CDH12: variants seen among roughly 807,000 people sequenced by gnomAD.
The protein encoded by CDH12 is cadherin-12.
A neutral mutation model predicts 74.1 loss-of-function variants in CDH12; 41 were observed. That is an observed-to-expected ratio of 0.55 (90% CI 0.43 to 0.72). The LOEUF (loss-of-function observed/expected upper bound fraction) is 0.72. Ranked by LOEUF, CDH12 falls within the 30% of genes least tolerant of loss-of-function variation. The probability of loss-of-function intolerance (pLI) is 0.00; values close to 1 mark genes in which losing one functional copy is unlikely to be tolerated. For synonymous variants in CDH12, 399 were observed against 355.0 expected, an observed-to-expected ratio of 1.12 and a Z score of -1.39; for missense variants, 945 against 977.2, an observed-to-expected ratio of 0.97 and a Z score of 0.44.
At chr5:21,895,126 C>T (rs111311840) in intron 6 of CDH12, among the ~76,000 whole-genome samples, 1 of 151,760 alleles carries the variant, frequency 6.6e-6, no homozygotes, top group Admixed American at 6.6e-5. Flanking sequence ...TATAAAGGGA[C>T]AGTAGTAGCC....
chr5:22,705,528 CAA>C (rs1491281189), intron 1 of CDH12, among the ~76,000 whole-genome samples: 1 of 151,242 alleles, frequency 6.6e-6, no homozygotes, highest in Non-Finnish European at 1.5e-5. Context: ...CACACACACA[CAA>C]ACACACACCA....
intron 1 of CDH12, among the ~76,000 whole-genome samples, chr5:22,829,357 A>G (rs906526430): frequency 4.6e-5 from 7 of 152,190 alleles, no homozygotes; most frequent in Admixed American, 4.6e-4. Flanking sequence ...AAATATTTCT[A>G]TCACCCTCAA....
At chr5:22,020,747 C>T (rs909341678) in intron 5 of CDH12, among the ~76,000 whole-genome samples, 1 of 152,026 alleles carries the variant, frequency 6.6e-6, no homozygotes, top group African/African-American at 2.4e-5. Context: ...ATTGAGTTAT[C>T]CCCCCTCTCA....
intron 6 of CDH12, among the ~76,000 whole-genome samples, chr5:21,888,612 C>A (rs909971549): frequency 1.3e-5 from 2 of 151,844 alleles, no homozygotes; most frequent in Non-Finnish European, 2.9e-5. Flanking sequence ...AAAGAAGTAA[C>A]ATATCTTCAT....
At chr5:22,484,815 C>A (rs1746522807) in intron 2 of CDH12, among the ~76,000 whole-genome samples, 1 of 152,146 alleles carries the variant, frequency 6.6e-6, no homozygotes, top group African/African-American at 2.4e-5. Context: ...ATTACACATA[C>A]ATATTTCTCC....
intron 5 of CDH12, among the ~76,000 whole-genome samples, chr5:22,032,461 C>G (rs1213560355): frequency 6.6e-6 from 1 of 151,758 alleles, no homozygotes; most frequent in Non-Finnish European, 1.5e-5. Context: ...CCTATAATCC[C>G]AGAACTTTGG....
intron 3 of CDH12, among the ~76,000 whole-genome samples, chr5:22,356,993 A>T (rs928772458): frequency 2.6e-5 from 4 of 152,132 alleles, no homozygotes; most frequent in Non-Finnish European, 5.9e-5. Context: ...ACATTTTCTA[A>T]ATATTTATTT....
intron 9 of CDH12, among the ~76,000 whole-genome samples, chr5:21,805,727 T>C (rs1172695506): frequency 1.3e-5 from 2 of 152,246 alleles, no homozygotes; most frequent in South Asian, 2.1e-4. Context: ...GAATGAACTT[T>C]AGTTTCACAA....
At position 22,353,106 on chromosome 5, in the gene CDH12, C is replaced by T. The variant is rs1214541726; in HGVS notation, c.-333+52151G>A. Among the ~76,000 whole-genome samples, 4 of 152,178 alleles carry T rather than the reference C, an allele frequency of 2.6e-5. No homozygotes were observed. The South Asian group carries it at 6.2e-4, about 24-fold the overall frequency. On this transcript the variant is annotated intron_variant, in intron 3 of 14. Transcript: ENST00000382254. ...AACAAACAAACAACAACAAAAAGCA[C>T]TGTTACAGTCATCAGTCTTATATCA...
At chr5:22,401,259 T>A (rs1742717997) in intron 3 of CDH12, among the ~76,000 whole-genome samples, 1 of 152,176 alleles carries the variant, frequency 6.6e-6, no homozygotes, top group Non-Finnish European at 1.5e-5. Flanking sequence ...AAATATCAAC[T>A]GAGATTTAAA....
chr5:21,775,754 C>A (rs1381082708), intron 11 of CDH12, among the ~76,000 whole-genome samples: 2 of 151,792 alleles, frequency 1.3e-5, no homozygotes, highest in Non-Finnish European at 2.9e-5. Flanking sequence ...TTATTATATT[C>A]TTTCTGGGAG....
At chr5:22,125,945 C>T (rs1370469635) in intron 4 of CDH12, among the ~76,000 whole-genome samples, 4 of 132,596 alleles carry the variant, frequency 3.0e-5, no homozygotes, top group Non-Finnish European at 4.8e-5. Context: ...ACCTTTTCCT[C>T]ATTTCACTTT....
In CDH12 at chr5:22,631,188, G is replaced by A. The variant is rs200345618; in HGVS notation, c.-522-125824C>T. On this transcript the variant is annotated intron_variant, in intron 1 of 14. Transcript: ENST00000382254. ...GGGAATGCTTATACACTGCTGGTGG[G>A]AATGTAGATTAGTTTAGCCATTGTG... Among the ~76,000 whole-genome samples, 12 of 152,290 alleles carry A rather than the reference G, an allele frequency of 7.9e-5. No individual in the cohort carries two copies. In the East Asian group the frequency reaches 2.3e-3, roughly 29 times the overall value.
At chr5:22,770,317 A>G (rs527896750) in intron 1 of CDH12, among the ~76,000 whole-genome samples, 12 of 152,258 alleles carry the variant, frequency 7.9e-5, no homozygotes, top group Admixed American at 6.5e-4. Flanking sequence ...GGAAGAAAAC[A>G]TATACGAATT....
intron 6 of CDH12, among the ~76,000 whole-genome samples, chr5:21,966,087 A>G (rs537976060): frequency 6.6e-6 from 1 of 150,732 alleles, no homozygotes; most frequent in East Asian, 2.0e-4. Flanking sequence ...GCTGATACAT[A>G]TGTATTAGTG....
chr5:22,536,462 G>A (rs1458005889), intron 1 of CDH12, among the ~76,000 whole-genome samples: 2 of 152,046 alleles, frequency 1.3e-5, no homozygotes, highest in Non-Finnish European at 2.9e-5. Context: ...GGTGGTGTTG[G>A]CTTGCTGATA....
chr5:22,342,529 TTCCCTCCC>T (rs1199027790), intron 3 of CDH12, among the ~76,000 whole-genome samples: 2 of 145,954 alleles, frequency 1.4e-5, no homozygotes, highest in East Asian at 2.0e-4. Flanking sequence ...CCTCCCTTCC[TTCCCTCCC>T]TCCCTCCCTC....
At chr5:22,735,712 A>G (rs1014871475) in intron 1 of CDH12, among the ~76,000 whole-genome samples, 2 of 151,882 alleles carry the variant, frequency 1.3e-5, no homozygotes, top group Non-Finnish European at 1.5e-5. Context: ...TGTAAAAAAT[A>G]GGGTAAAGTT....
chr5:22,671,543 A>G (rs541561511), intron 1 of CDH12, among the ~76,000 whole-genome samples: 14 of 152,248 alleles, frequency 9.2e-5, no homozygotes, highest in Non-Finnish European at 2.1e-4. Flanking sequence ...TTACTCCCCA[A>G]CATGAAAATC....
Sources: allele counts gnomAD v4.1 joint callset (sites outside exome capture counted in the v4.1 genomes callset), GRCh38; gene constraint gnomAD v4.1.1; transcripts MANE v1.5; gene names NCBI Gene and HGNC (gene_info 2026-07-23, HGNC 2026-07-21).